CSNK1D: variants seen among roughly 807,000 people sequenced by gnomAD.
The protein encoded by CSNK1D is casein kinase 1 delta.
In CSNK1D, 16 loss-of-function variants were observed where a neutral mutation model predicts 46.6. The ratio of observed to expected loss-of-function variants is 0.34; its 90% CI spans 0.23 to 0.52. The LOEUF is 0.52. CSNK1D is among the 20% of genes least tolerant of loss of function. The probability of loss-of-function intolerance (pLI) is 0.95; values close to 1 mark genes in which losing one functional copy is unlikely to be tolerated. For missense variants in CSNK1D, 398 were observed against 578.4 expected (o/e 0.69, Z 3.20); for synonymous variants, 276 against 228.2 (o/e 1.21, Z -1.89).
chr17:82,262,657 A>ACCAC (rs1209886113), intron 2 of CSNK1D, among the ~76,000 whole-genome samples: 2 of 152,158 alleles, frequency 1.3e-5, no homozygotes, highest in Non-Finnish European at 2.9e-5. Flanking sequence ...GACAATCTGT[A>ACCAC]CCACCCATAA....
chr17:82,261,414 T>C (rs938488783), intron 2 of CSNK1D, among the ~76,000 whole-genome samples: 10 of 152,182 alleles, frequency 6.6e-5, no homozygotes, highest in Admixed American at 5.2e-4. Context: ...TGCGTGGGGA[T>C]AAAAATCGGG....
downstream of CSNK1D, chr17:82,240,020 G>T (rs1204959582): frequency 2.4e-6 from 3 of 1,233,670 alleles, no homozygotes. Flanking sequence ...CGGGTGCCCT[G>T]GCGGGCCGCG....
intron 1 of CSNK1D, chr17:82,267,023 G>A (rs544652025): frequency 7.1e-6 from 1 of 139,912 alleles, no homozygotes; most frequent in African/African-American, 2.7e-5. Context: ...TCGCGCCACT[G>A]CACTCCAGCC....
chr17:82,253,417 C>T (rs2051064799), intron 3 of CSNK1D, 173 bp from the exon 4 acceptor site: 1 of 656,656 alleles, frequency 1.5e-6, no homozygotes, highest in Non-Finnish European at 2.8e-6. Flanking sequence ...CCCCCAGGTG[C>T]CTGCAGCAAC....
chr17:82,249,157 C>G lies in CSNK1D; in HGVS notation c.1058-143G>C. On this transcript the variant is annotated intron_variant, in intron 7 of 8. Transcript: ENST00000314028. The surrounding 1 kb of genome is among the most constrained non-coding windows in gnomAD (Gnocchi z 6.7). ...GCTGTGGCCGATGGCCACCAACACT[C>G]AGATCCGGCCGGAGGGACACAAAGG... is the stretch of plus-strand genomic sequence containing the variant. 9.4e-7 allele frequency: 1 copy of G among 1,061,194 alleles called. No homozygotes were observed. Among genetic ancestry groups the G allele is most frequent in the Non-Finnish European group, 1.3e-6 (1 of 743,826 alleles). The allele number at this position is 1,061,194 out of a possible 1,614,324, so 65.7% of individuals were successfully genotyped here.
downstream of CSNK1D, among the ~76,000 whole-genome samples, chr17:82,242,211 C>T (rs1302591325): frequency 2.5e-5 from 3 of 120,246 alleles, no homozygotes; most frequent in East Asian, 4.4e-4. Context: ...GCTGTGTGCT[C>T]TGGGGGGGGG....
intron 8 of CSNK1D, 105 bp from the exon 9 acceptor site, chr17:82,244,936 G>C: frequency 6.8e-7 from 1 of 1,472,334 alleles, no homozygotes; most frequent in Non-Finnish European, 9.4e-7. Context: ...CACCGCCACC[G>C]CCTAGCCCCA....
chr17:82,251,342 C>T lies in CSNK1D; in HGVS notation c.885+37G>A. ...TCTCACTGACAAGCCATCCCCCGCACACCACACTCAGCGAACGTGCTGGCA... is the reference window on the plus strand; with the variant it reads ...TCTCACTGACAAGCCATCCCCCGCATACCACACTCAGCGAACGTGCTGGCA... On this transcript the variant is annotated intron_variant, in intron 6 of 8. Coordinates refer to ENST00000314028, the MANE Select transcript of CSNK1D (RefSeq NM_001893.6). The surrounding 1 kb of genome is among the most constrained non-coding windows in gnomAD (Gnocchi z 4.5). The T allele has an allele frequency of 1.2e-6, 2 of 1,613,510 alleles. No individual in the cohort carries two copies. The highest frequency in any genetic ancestry group is 2.2e-5 in the East Asian group (1 of 44,860).
At position 82,252,549 on chromosome 17, in the gene CSNK1D, G is replaced by A; in HGVS notation, c.621C>T (p.Asn207=). Residue 207 remains asparagine (N), a synonymous_variant, in exon 5 of 9, where the codon AAC becomes AAT. Transcript: ENST00000314028. The surrounding 1 kb of genome is among the most constrained non-coding windows in gnomAD (Gnocchi z 4.6). ...GCCCCTGCCAGGGGAGAGAGCCCAG[G>A]TTGAAGTACATTAGCACGTAGCCCA... ...ESLGYVLMYF[N]LGSLPWQGLK... 1 of 1,614,042 alleles carries A rather than the reference G, an allele frequency of 6.2e-7. No homozygotes were observed. The highest frequency in any genetic ancestry group is 8.5e-7 in the Non-Finnish European group (1 of 1,180,018).
intron 8 of CSNK1D, chr17:82,246,641 G>C: frequency 1.0e-6 from 1 of 1,004,714 alleles, no homozygotes; most frequent in Non-Finnish European, 1.2e-6. Flanking sequence ...GGCTGGGGCG[G>C]GGCCCTACAA....
At chr17:82,241,424 A>C (rs1353904624), downstream of CSNK1D, among the ~76,000 whole-genome samples, 2 of 152,268 alleles carry the variant, frequency 1.3e-5, no homozygotes, top group African/African-American at 4.8e-5. Flanking sequence ...ACACAGACCC[A>C]GCCAGACTCA....
At chr17:82,242,290 AAGCGACAGGGGGATCCCTG>A (rs2050751806), downstream of CSNK1D, among the ~76,000 whole-genome samples, 1 of 152,132 alleles carries the variant, frequency 6.6e-6, no homozygotes, top group Admixed American at 6.5e-5. Context: ...TCAACAGCTC[AAGCGACAGGGGGATCCCTG>A]AGCACCACGG....
rs904545415 is a variant in CSNK1D, at chr17:82,249,958, C to T, written c.886-356G>A. The stretch of plus-strand genomic sequence containing the variant: ...GAAAGAGGAGAGGGACAGGAACCAT[C>T]GGAGGCCAAAGACAGGCCCCAAATG... On this transcript the variant is annotated intron_variant, in intron 6 of 8. Coordinates refer to ENST00000314028, the MANE Select transcript of CSNK1D (RefSeq NM_001893.6). The surrounding 1 kb of genome is among the most constrained non-coding windows in gnomAD (Gnocchi z 6.7). 1.9e-5 allele frequency: 24 copies of T among 1,249,782 alleles called. No homozygotes were observed. The highest frequency in any genetic ancestry group is 3.4e-4 in the Middle Eastern group (1 of 2,974). The allele number at this position is 1,249,782 out of a possible 1,614,324, so 77.4% of individuals were successfully genotyped here.
rs2050948604 is a variant in CSNK1D, at chr17:82,249,623, G to A, written c.886-21C>T. ...GCACCCTGAGGAGGCAGGAGGTGAGGCCGGAATGGAACCAGCTTTGGCAGA... is the reference window on the plus strand; with the variant it reads ...GCACCCTGAGGAGGCAGGAGGTGAGACCGGAATGGAACCAGCTTTGGCAGA... On this transcript the variant is annotated intron_variant, in intron 6 of 8. Coordinates refer to ENST00000314028, the MANE Select transcript of CSNK1D (RefSeq NM_001893.6). This position sits in a 1 kb window ranked among gnomAD's most constrained non-coding sequence, Gnocchi z 6.7. The A allele has an allele frequency of 1.3e-6, 2 of 1,557,214 alleles. No individual in the cohort carries two copies. Among genetic ancestry groups the A allele is most frequent in the South Asian group, 1.2e-5 (1 of 85,238 alleles).
Position 82,265,886 on chromosome 17 carries a change from T to C in CSNK1D, c.77-90A>G, listed in dbSNP as rs369831900. ...GAGAAACAACAAGCACTATGTGTTT[T>C]CCATGAAGGACCAAGTGAGGGATGT... is the stretch of plus-strand genomic sequence containing the variant. On this transcript the variant is annotated intron_variant, in intron 1 of 8. Coordinates refer to ENST00000314028, the MANE Select transcript of CSNK1D (RefSeq NM_001893.6). 250 of 1,071,078 alleles carry C rather than the reference T, an allele frequency of 2.3e-4. 1 individual carries two copies. The African/African-American group carries it at 3.6e-3, about 15-fold the overall frequency. The allele number at this position is 1,071,078 out of a possible 1,614,324, so 66.3% of individuals were successfully genotyped here. A position where few individuals can be genotyped will look rare whatever the true frequency, so the allele number is the denominator to read the frequency against.
At chr17:82,271,980 T>G (rs905535599) in intron 1 of CSNK1D, 2 of 152,248 alleles carry the variant, frequency 1.3e-5, no homozygotes, top group Non-Finnish European at 2.9e-5. Flanking sequence ...AGGCTACATA[T>G]CCTCAAATTC....
Position 82,253,136 on chromosome 17 carries a change from C to T in CSNK1D, c.445G>A (p.Asp149Asn). The T allele has an allele frequency of 6.2e-7, 1 of 1,614,190 alleles. No individual in the cohort carries two copies. The highest frequency in any genetic ancestry group is 8.5e-7 in the Non-Finnish European group (1 of 1,180,034). Residue 149 changes from aspartate to asparagine, a missense_variant, in exon 4 of 9, where the codon GAC becomes AAC. Asp to Asn is a conservative substitution (Grantham distance 23). This residue lies in a region of CSNK1D where 217 missense variants were observed against 370.3 expected (regional missense o/e 0.59). Transcript: ENST00000314028. ...CGGTACTTCTTGGCCAGCCCGAAGT[C>T]GATGATGTACACCAGGTTGCCCTTC... ...GKKGNLVYII[D>N]FGLAKKYRDA...
At chr17:82,240,030 G>A (rs565814557), downstream of CSNK1D, 64 of 1,233,828 alleles carry the variant, frequency 5.2e-5, no homozygotes, top group South Asian at 2.0e-4. Flanking sequence ...GGCGGGCCGC[G>A]TGCAGCCGGA....
chr17:82,273,617 C>T lies in CSNK1D; in HGVS notation c.-236G>A, dbSNP rs1047027994. 4.7e-5 allele frequency: 26 copies of T among 557,154 alleles called. No homozygotes were observed. Among genetic ancestry groups the T allele is most frequent in the Admixed American group, 2.8e-4 (8 of 28,826 alleles). The allele number at this position is 557,154 out of a possible 1,614,324, so 34.5% of individuals were successfully genotyped here. A position where few individuals can be genotyped will look rare whatever the true frequency, so the allele number is the denominator to read the frequency against. ...TCCGGCCCCTACCGGTCCCGCTTGC[C>T]CTCTCCCCGCCGCGGATGGACTCGG... is the stretch of plus-strand genomic sequence containing the variant. On this transcript the variant is annotated 5_prime_UTR_variant, in exon 1 of 9. Transcript: ENST00000314028. This position sits in a 1 kb window ranked among gnomAD's most constrained non-coding sequence, Gnocchi z 5.1.
Sources: allele counts gnomAD v4.1 joint callset (sites outside exome capture counted in the v4.1 genomes callset), GRCh38; gene constraint gnomAD v4.1.1; regional missense constraint gnomAD v4.1.1; non-coding constraint Gnocchi (gnomAD v3.1); transcripts MANE v1.5; gene names NCBI Gene and HGNC (gene_info 2026-07-23, HGNC 2026-07-21).